The following CADM2 variants were observed in gnomAD, a reference collection of about 807,000 sequenced individuals.
CADM2 encodes the protein immunoglobulin superfamily member 4D.
In CADM2, 12 loss-of-function variants were observed where a neutral mutation model predicts 49.8. That is an observed-to-expected ratio of 0.24 (90% CI 0.15 to 0.39). The LOEUF is 0.39. Ranked by LOEUF, CADM2 falls within the 10% of genes least tolerant of loss-of-function variation. The pLI, the probability that CADM2 is intolerant of heterozygous loss-of-function variation, is 1.00. For synonymous variants in CADM2, 214 were observed against 175.4 expected (o/e 1.22, Z -1.74); for missense variants, 378 against 492.3 (o/e 0.77, Z 2.20).
At chr3:85,992,864 C>T (rs1728950877) in intron 8 of CADM2, 1 of 152,092 alleles carries the variant, frequency 6.6e-6, no homozygotes, top group Admixed American at 6.6e-5. Context: ...AATAAAACAA[C>T]AATAAGGTTT....
chr3:86,058,763 A>T (rs1011634568), intron 8 of CADM2, among the ~76,000 whole-genome samples: 1 of 152,006 alleles, frequency 6.6e-6, no homozygotes, highest in South Asian at 2.1e-4. Context: ...ATAACTGAAA[A>T]TCAAATATAA....
intron 3 of CADM2, among the ~76,000 whole-genome samples, chr3:85,821,710 T>A (rs1442835916): frequency 6.6e-6 from 1 of 152,178 alleles, no homozygotes; most frequent in East Asian, 1.9e-4. Context: ...ACCTTATTCA[T>A]GGAACTTTGT....
chr3:85,644,103 A>T (rs1451923522), intron 1 of CADM2, among the ~76,000 whole-genome samples: 2 of 152,110 alleles, frequency 1.3e-5, no homozygotes, highest in Admixed American at 6.5e-5. Context: ...ACACACACTT[A>T]TTTTCTCAGA....
chr3:85,250,087 A>G lies in CADM2; in HGVS notation c.61+290419A>G, dbSNP rs374496117. Reference sequence around the variant, plus strand: ...TTTATAAATTTGAAACATCTGTTGCATATTGTAGTATATTTTAATTAACCA... The same window carrying G: ...TTTATAAATTTGAAACATCTGTTGCGTATTGTAGTATATTTTAATTAACCA... On this transcript the variant is annotated intron_variant, in intron 1 of 9. Transcript: ENST00000383699. 8.6e-5 allele frequency among the ~76,000 whole-genome samples: 13 copies of G among 151,930 alleles called. No homozygotes were observed. In the East Asian group the frequency reaches 2.1e-3, roughly 25 times the overall value.
intron 1 of CADM2, among the ~76,000 whole-genome samples, chr3:85,606,269 G>A (rs2063535389): frequency 6.6e-6 from 1 of 151,978 alleles, no homozygotes; most frequent in Admixed American, 6.6e-5. Flanking sequence ...TGATTTAAAA[G>A]TCTCCTTTCA....
At chr3:85,390,601 T>A (rs1358070018) in intron 1 of CADM2, among the ~76,000 whole-genome samples, 1 of 152,056 alleles carries the variant, frequency 6.6e-6, no homozygotes, top group African/African-American at 2.4e-5. Context: ...TCCTCTAATA[T>A]TTTCCTCTAG....
intron 1 of CADM2, among the ~76,000 whole-genome samples, chr3:85,361,099 T>A (rs2032324605): frequency 6.6e-6 from 1 of 152,148 alleles, no homozygotes; most frequent in African/African-American, 2.4e-5. Context: ...TAGCATAGAA[T>A]CTTGTTTGTA....
intron 7 of CADM2, among the ~76,000 whole-genome samples, chr3:85,940,980 A>G (rs971126652): frequency 1.3e-5 from 2 of 152,076 alleles, no homozygotes; most frequent in Admixed American, 1.3e-4. Context: ...CCAAAATGTT[A>G]CATTTGTTGT....
chr3:85,854,327 C>T (rs1201911227), intron 3 of CADM2, among the ~76,000 whole-genome samples: 1 of 152,090 alleles, frequency 6.6e-6, no homozygotes, highest in East Asian at 1.9e-4. Flanking sequence ...GACACATGCA[C>T]TCGTATGTTT....
At chr3:85,207,427 C>T (rs1366655886) in intron 1 of CADM2, among the ~76,000 whole-genome samples, 4 of 152,008 alleles carry the variant, frequency 2.6e-5, no homozygotes, top group African/African-American at 7.2e-5. Context: ...TTAAGTAAAA[C>T]GTTATATTTT....
rs188443355 is a variant in CADM2, at chr3:85,007,146, T to C, written c.61+47478T>C. On this transcript the variant is annotated intron_variant, in intron 1 of 9. Coordinates refer to ENST00000383699, the MANE Select transcript of CADM2 (RefSeq NM_001167675.2). ...AAATATTAAGAAATAAGGAAAAATATTGATTAAAATACTTTTAGTTGTTAG... is the reference window on the plus strand; with the variant it reads ...AAATATTAAGAAATAAGGAAAAATACTGATTAAAATACTTTTAGTTGTTAG... Among the ~76,000 whole-genome samples, 76 of 152,276 alleles carry C rather than the reference T, an allele frequency of 5.0e-4. 1 individual carries two copies. The highest frequency in any genetic ancestry group is 4.9e-3 in the Admixed American group (75 of 15,282).
At chr3:85,479,014 A>T (rs967458288) in intron 1 of CADM2, among the ~76,000 whole-genome samples, 2 of 151,790 alleles carry the variant, frequency 1.3e-5, no homozygotes, top group Non-Finnish European at 2.9e-5. Flanking sequence ...TGTGATCATA[A>T]CTAACTGAAG....
chr3:86,066,576 C>T (rs1056569560), intron 9 of CADM2, 89 bp from the exon 10 acceptor site: 2 of 1,017,786 alleles, frequency 2.0e-6, no homozygotes, highest in African/African-American at 3.2e-5. Context: ...AAAAATCTGG[C>T]AAAAGTTTCT....
At chr3:85,133,196 T>G (rs2039290253) in intron 1 of CADM2, among the ~76,000 whole-genome samples, 1 of 152,132 alleles carries the variant, frequency 6.6e-6, no homozygotes, top group Admixed American at 6.5e-5. Flanking sequence ...CAAGATTTAG[T>G]GCAAAGAGTG....
chr3:85,967,980 C>A (rs2108632969), intron 8 of CADM2, among the ~76,000 whole-genome samples: 1 of 151,660 alleles, frequency 6.6e-6, no homozygotes, highest in East Asian at 2.0e-4. Context: ...TCGTAATGAG[C>A]ATTTTTCCTT....
At chr3:85,256,848 A>G (rs1249693625) in intron 1 of CADM2, among the ~76,000 whole-genome samples, 2 of 152,114 alleles carry the variant, frequency 1.3e-5, no homozygotes, top group African/African-American at 4.8e-5. Flanking sequence ...TGTGGTTTGA[A>G]TTTGATTTTC....
chr3:85,935,347 T>C (rs749583202), intron 6 of CADM2, among the ~76,000 whole-genome samples: 4 of 152,070 alleles, frequency 2.6e-5, no homozygotes, highest in Non-Finnish European at 5.9e-5. Flanking sequence ...GGGTTCCTTA[T>C]TGTGAGTCCC....
intron 1 of CADM2, among the ~76,000 whole-genome samples, chr3:85,424,297 G>A (rs2036300883): frequency 6.6e-6 from 1 of 151,398 alleles, no homozygotes; most frequent in Non-Finnish European, 1.5e-5. Flanking sequence ...AGAGATAGTA[G>A]ATTTAAAAAA....
intron 3 of CADM2, among the ~76,000 whole-genome samples, chr3:85,839,085 C>T (rs1227779549): frequency 6.6e-6 from 1 of 151,752 alleles, no homozygotes; most frequent in Non-Finnish European, 1.5e-5. Flanking sequence ...TTTAATATTA[C>T]AATGCCTACT....
Sources: gnomAD v4.1 joint callset for allele counts (sites outside exome capture counted in the v4.1 genomes callset) on GRCh38, gnomAD v4.1.1 for gene constraint, MANE v1.5 for transcripts, NCBI Gene and HGNC (gene_info 2026-07-23, HGNC 2026-07-21) for gene names.